The following GALNT13 variants were observed in gnomAD, a reference collection of about 807,000 sequenced individuals.
GALNT13 encodes the protein polypeptide N-acetylgalactosaminyltransferase 13.
In GALNT13, 28 loss-of-function variants were observed where a neutral mutation model predicts 64.2. That is an observed-to-expected ratio of 0.44 (90% confidence interval 0.32 to 0.60). GALNT13 has a LOEUF of 0.60. GALNT13 is among the 20% of genes least tolerant of loss of function. The pLI, the probability that GALNT13 is intolerant of heterozygous loss-of-function variation, is 0.05. For missense variants in GALNT13, 577 were observed against 669.8 expected (o/e 0.86, Z 1.53); for synonymous variants, 214 against 224.6 (o/e 0.95, Z 0.42).
chr2:153,722,117 A>G, the GALNT13 span, among the ~76,000 whole-genome samples: 40 of 148,314 alleles, frequency 2.7e-4, no homozygotes, highest in African/African-American at 9.2e-4. Context: ...CTCTCAGACC[A>G]CAGTGCAATC....
chr2:153,552,575 CTTTT>C, the GALNT13 span, among the ~76,000 whole-genome samples: 57 of 69,322 alleles, frequency 8.2e-4, no homozygotes, highest in African/African-American at 2.2e-3. Context: ...GCTTCTTCTT[CTTTT>C]TTTTTTTTTT....
chr2:153,917,783 C>T (rs988922511), intron 2 of GALNT13, among the ~76,000 whole-genome samples: 1 of 152,088 alleles, frequency 6.6e-6, no homozygotes, highest in Non-Finnish European at 1.5e-5. Flanking sequence ...CCCAATTGAG[C>T]AGCCTTGGAG....
At chr2:153,443,303 A>G in the GALNT13 span, among the ~76,000 whole-genome samples, 9 of 152,248 alleles carry the variant, frequency 5.9e-5, no homozygotes, top group Non-Finnish European at 1.2e-4. Context: ...TAAAGGAGGG[A>G]GTTCCCAGAT....
At chr2:153,285,353 T>C in the GALNT13 span, among the ~76,000 whole-genome samples, 1 of 152,288 alleles carries the variant, frequency 6.6e-6, no homozygotes, top group African/African-American at 2.4e-5. Context: ...GGTATACATA[T>C]ACATACATAC....
At chr2:153,252,778 T>A in the GALNT13 span, among the ~76,000 whole-genome samples, 9 of 152,344 alleles carry the variant, frequency 5.9e-5, no homozygotes, top group South Asian at 1.2e-3. Flanking sequence ...GATCTGATAG[T>A]TGTAGATATG....
At chr2:153,871,751 G>A (rs897147013), upstream of GALNT13, among the ~76,000 whole-genome samples, 5 of 152,182 alleles carry the variant, frequency 3.3e-5, no homozygotes, top group African/African-American at 9.6e-5. Flanking sequence ...CCAGCCCGGG[G>A]AGGAGCGGGA....
chr2:153,883,657 A>G lies in GALNT13; in HGVS notation c.-177+11354A>G, dbSNP rs142515515. 8.1e-3 allele frequency among the ~76,000 whole-genome samples: 1,227 copies of G among 152,154 alleles called. 20 individuals are homozygous for G. The highest frequency in any genetic ancestry group is 0.028 in the African/African-American group (1,175 of 41,532). ...CCTGGTATAGGATTAGTATAAAGAA[A>G]TGGAGGGTTTGGTTGGTGGGAGGAT... On this transcript the variant is annotated intron_variant, in intron 1 of 12. Coordinates refer to ENST00000392825, the MANE Select transcript of GALNT13 (RefSeq NM_052917.4).
At chr2:153,978,484 G>A (rs148102314) in intron 3 of GALNT13, among the ~76,000 whole-genome samples, 1 of 152,258 alleles carries the variant, frequency 6.6e-6, no homozygotes, top group East Asian at 1.9e-4. Context: ...TTGTGGGAGG[G>A]ACCCTGGGGA....
rs187425148 is a variant in GALNT13 at position 154,343,551 on chromosome 2, T to C, written c.1156+41962T>C. ...AGTATATTTGAGTATTCATTACTAATGTTTGAAACTTACATCAAGTCAGTC... is the reference window on the plus strand; with the variant it reads ...AGTATATTTGAGTATTCATTACTAACGTTTGAAACTTACATCAAGTCAGTC... On this transcript the variant is annotated intron_variant, in intron 9 of 12. Coordinates refer to ENST00000392825, the MANE Select transcript of GALNT13 (RefSeq NM_052917.4). Among the ~76,000 whole-genome samples the C allele has an allele frequency of 5.9e-5, 9 of 152,216 alleles. No homozygotes were observed. The East Asian group carries it at 1.6e-3, about 26-fold the overall frequency.
chr2:153,734,903 C>T, the GALNT13 span, among the ~76,000 whole-genome samples: 16 of 152,224 alleles, frequency 1.1e-4, no homozygotes. Flanking sequence ...GGAGAGTAAC[C>T]TCCTAGAGGG....
chr2:154,301,252 G>T (rs541186409), intron 8 of GALNT13, among the ~76,000 whole-genome samples, 157 bp from the exon 9 acceptor site: 1 of 152,032 alleles, frequency 6.6e-6, no homozygotes. Flanking sequence ...TTCCAAATTC[G>T]CATCCTTTGC....
At chr2:153,606,859 C>T in the GALNT13 span, among the ~76,000 whole-genome samples, 5 of 148,846 alleles carry the variant, frequency 3.4e-5, no homozygotes, top group East Asian at 2.0e-4. Flanking sequence ...TGTGTCATGT[C>T]GTCAGGTTTT....
the GALNT13 span, among the ~76,000 whole-genome samples, chr2:153,743,328 G>C: frequency 6.6e-6 from 1 of 151,998 alleles, no homozygotes; most frequent in Non-Finnish European, 1.5e-5. Context: ...TTGATAACTT[G>C]GTTGTTGTGA....
intron 1 of GALNT13, among the ~76,000 whole-genome samples, chr2:153,900,631 T>C (rs1688173029): frequency 6.6e-6 from 1 of 152,214 alleles, no homozygotes; most frequent in Non-Finnish European, 1.5e-5. Context: ...ATTACTTTTA[T>C]GCCATTCTGC....
At chr2:153,332,395 G>T in the GALNT13 span, among the ~76,000 whole-genome samples, 48 of 152,138 alleles carry the variant, frequency 3.2e-4, no homozygotes, top group South Asian at 1.9e-3. Context: ...TTATTTCAAA[G>T]AATTTTTTGA....
chr2:153,930,012 T>A lies in GALNT13; in HGVS notation c.-104-14382T>A, dbSNP rs997687833. ...TCTCCACAATTTTGCCAGCCTCTGT[T>A]ATTTTTGAATTGTTAATAGCCATTC... is the stretch of plus-strand genomic sequence containing the variant. On this transcript the variant is annotated intron_variant, in intron 2 of 12. Transcript: ENST00000392825. Among the ~76,000 whole-genome samples, 4 of 152,138 alleles carry A rather than the reference T, an allele frequency of 2.6e-5. No homozygotes were observed. The East Asian group carries it at 7.7e-4, about 29-fold the overall frequency.
chr2:154,341,686 T>C (rs1695781717), intron 9 of GALNT13, among the ~76,000 whole-genome samples: 1 of 151,746 alleles, frequency 6.6e-6, no homozygotes. Flanking sequence ...GCAAGTACTC[T>C]GGCATATTTT....
chr2:153,659,172 G>A, the GALNT13 span, among the ~76,000 whole-genome samples: 1 of 151,982 alleles, frequency 6.6e-6, no homozygotes, highest in Non-Finnish European at 1.5e-5. Flanking sequence ...ATCAATTATA[G>A]GATGAATTAC....
chr2:153,713,257 T>G, the GALNT13 span, among the ~76,000 whole-genome samples: 8 of 152,330 alleles, frequency 5.3e-5, no homozygotes, highest in Admixed American at 1.3e-4. Context: ...TCCCTTTGTA[T>G]GAAATAAATA....
Sources: gnomAD v4.1 joint callset for allele counts (sites outside exome capture counted in the v4.1 genomes callset) on GRCh38, gnomAD v4.1.1 for gene constraint, MANE v1.5 for transcripts, NCBI Gene and HGNC (gene_info 2026-07-23, HGNC 2026-07-21) for gene names.